MAP4K4: variants seen among roughly 807,000 people sequenced by gnomAD.
MAP4K4 encodes mitogen-activated protein kinase kinase kinase kinase 4.
Under a neutral mutation model 189.6 loss-of-function variants are expected in MAP4K4, and 38 were observed. That is an observed-to-expected ratio of 0.20 (90% CI 0.15 to 0.26). The LOEUF is 0.26. Among genes scored for constraint, MAP4K4 ranks in the 10% least tolerant of loss-of-function variants. The pLI, the probability that MAP4K4 is intolerant of heterozygous loss-of-function variation, is 1.00. For missense variants in MAP4K4, 1,054 were observed against 1,726.9 expected (o/e 0.61, Z 6.91); for synonymous variants, 610 against 624.3 (o/e 0.98, Z 0.34).
intron 5 of MAP4K4, among the ~76,000 whole-genome samples, chr2:101,827,290 A>G (rs560985129): frequency 6.6e-6 from 1 of 152,212 alleles, no homozygotes; most frequent in African/African-American, 2.4e-5. Context: ...TGTCATCTAG[A>G]ATGGGAGTTT....
chr2:101,738,573 G>C (rs1357068665), intron 2 of MAP4K4, among the ~76,000 whole-genome samples: 2 of 152,124 alleles, frequency 1.3e-5, no homozygotes, highest in African/African-American at 4.8e-5. Context: ...ATAGAATAGT[G>C]ATCTGCAGAA....
rs1467149623 is a variant in MAP4K4 at position 101,765,422 on chromosome 2, C to T, written c.124-25298C>T. On this transcript the variant is annotated intron_variant, in intron 2 of 32. Coordinates refer to ENST00000324219, the Ensembl canonical transcript of MAP4K4. ...ACGGCTCTCTGCAGCCACCATCTCC[C>T]GGGCTCAGGTGACCCCCTTGCCTCA... Among the ~76,000 whole-genome samples, 6 of 152,292 alleles carry T rather than the reference C, an allele frequency of 3.9e-5. No homozygotes were observed. In the South Asian group the frequency reaches 6.2e-4, roughly 16 times the overall value.
chr2:101,742,822 T>G lies in MAP4K4; in HGVS notation c.123+44284T>G, dbSNP rs189461537. ...AAAGAAGAGTAATGAGTTATTAATATCTCCATAAATAGAGTAGCAATAACT... is the reference window on the plus strand; with the variant it reads ...AAAGAAGAGTAATGAGTTATTAATAGCTCCATAAATAGAGTAGCAATAACT... On this transcript the variant is annotated intron_variant, in intron 2 of 32. Coordinates refer to ENST00000324219, the Ensembl canonical transcript of MAP4K4. Among the ~76,000 whole-genome samples, 26 of 152,276 alleles carry G rather than the reference T, an allele frequency of 1.7e-4. 1 individual carries two copies. Among genetic ancestry groups the G allele is most frequent in the Admixed American group, 1.5e-3 (23 of 15,290 alleles).
intron 2 of MAP4K4, among the ~76,000 whole-genome samples, chr2:101,731,186 G>T (rs963434577): frequency 1.3e-5 from 2 of 151,506 alleles, no homozygotes; most frequent in African/African-American, 4.8e-5. Context: ...GCGCGATCTC[G>T]GCTCACTGCA....
At chr2:101,698,040 G>T (rs1456274652) in exon 1 of MAP4K4, 1 of 1,286,868 alleles carries the variant, frequency 7.8e-7, no homozygotes, top group Non-Finnish European at 1.0e-6. Flanking sequence ...GAGCGACAGA[G>T]ACATTTATTG....
rs750130670 is a variant in MAP4K4, at chr2:101,864,009, A to G, written c.2055A>G (p.Gln685=). 6.6e-6 allele frequency: 9 copies of G among 1,367,656 alleles called. No homozygotes were observed. The East Asian group carries it at 3.6e-4, about 55-fold the overall frequency. 84.7% of individuals were successfully genotyped at this position (1,367,656 alleles called of 1,614,324 possible). A position where few individuals can be genotyped will look rare whatever the true frequency, so the allele number is the denominator to read the frequency against. The change falls in exon 17 of 33, where the codon CAA becomes CAG. Residue 685 remains glutamine (Q), a synonymous_variant. Coordinates refer to ENST00000324219, the Ensembl canonical transcript of MAP4K4. ...AGTCAGAGGCGCCTGACCCTACCCA[A>G]AAGGCTTGGTCTAGATCAGACAGTG...
intron 21 of MAP4K4, 87 bp from the exon 22 acceptor site, chr2:101,869,535 G>C: frequency 9.7e-7 from 1 of 1,033,336 alleles, no homozygotes; most frequent in South Asian, 1.4e-5. Context: ...AACTGACATT[G>C]TGGCAATTTA....
chr2:101,825,828 C>T (rs1338996938), intron 5 of MAP4K4, among the ~76,000 whole-genome samples: 1 of 152,142 alleles, frequency 6.6e-6, no homozygotes, highest in African/African-American at 2.4e-5. Flanking sequence ...TTCAAAATCA[C>T]CTTGAAGTCT....
chr2:101,700,305 G>A (rs1395296521), intron 2 of MAP4K4, among the ~76,000 whole-genome samples: 1 of 152,156 alleles, frequency 6.6e-6, no homozygotes, highest in Non-Finnish European at 1.5e-5. Context: ...TGCCATTTTG[G>A]TTCCATTCCC....
At chr2:101,867,945 C>G (rs1437744125) in intron 20 of MAP4K4, 84 bp from the exon 21 acceptor site, 3 of 1,369,186 alleles carry the variant, frequency 2.2e-6, no homozygotes, top group Non-Finnish European at 3.1e-6. Flanking sequence ...TCCCTCTCCC[C>G]TTCTTTCTCC....
exon 28 of MAP4K4, chr2:101,882,587 G>T: frequency 6.2e-7 from 1 of 1,606,696 alleles, no homozygotes; most frequent in Non-Finnish European, 8.5e-7. Context: ...TATTTGTCCT[G>T]GTTAAGAAAT....
intron 24 of MAP4K4, among the ~76,000 whole-genome samples, chr2:101,873,322 G>A (rs929121364): frequency 3.9e-5 from 6 of 152,172 alleles, no homozygotes; most frequent in Admixed American, 2.0e-4. Context: ...TCCTTTAGGA[G>A]TTTCATTATA....
intron 9 of MAP4K4, among the ~76,000 whole-genome samples, chr2:101,836,449 GT>G (rs2096756936): frequency 6.6e-6 from 1 of 152,058 alleles, no homozygotes; most frequent in African/African-American, 2.4e-5. Flanking sequence ...TTAGCCGGGC[GT>G]GGTGGCACAT....
At chr2:101,755,929 C>CTTTTTTTTTTTT (rs57392183) in intron 2 of MAP4K4, among the ~76,000 whole-genome samples, 3 of 57,792 alleles carry the variant, frequency 5.2e-5, no homozygotes, top group Non-Finnish European at 9.3e-5. Context: ...AGTTCTTTTT[C>CTTTTTTTTTTTT]TTTTTTTTTT....
intron 2 of MAP4K4, among the ~76,000 whole-genome samples, chr2:101,704,794 G>A (rs1379570001): frequency 6.6e-6 from 1 of 151,528 alleles, no homozygotes; most frequent in Non-Finnish European, 1.5e-5. Flanking sequence ...TCGAGTCAGG[G>A]TAAAGTTTTT....
chr2:101,759,520 T>C (rs1223857912), intron 2 of MAP4K4, among the ~76,000 whole-genome samples: 5 of 16,612 alleles, frequency 3.0e-4, no homozygotes, highest in Non-Finnish European at 4.2e-4. Context: ...CCCCTCCCCA[T>C]TCCCCTCCCC....
At chr2:101,889,083 G>A in intron 32 of MAP4K4, 148 bp downstream of exon 32, 1 of 731,864 alleles carries the variant, frequency 1.4e-6, no homozygotes, top group Admixed American at 3.3e-5. Flanking sequence ...ATGTTTGTGA[G>A]GATTGGGGAA....
intron 2 of MAP4K4, among the ~76,000 whole-genome samples, chr2:101,720,020 G>T (rs894412771): frequency 2.0e-5 from 3 of 151,782 alleles, no homozygotes; most frequent in Non-Finnish European, 4.4e-5. Flanking sequence ...CTCAAAAAGA[G>T]TTCAAAAAGG....
chr2:101,877,952 T>C (rs967839429), intron 27 of MAP4K4, among the ~76,000 whole-genome samples: 6 of 152,144 alleles, frequency 3.9e-5, no homozygotes, highest in African/African-American at 1.2e-4. Context: ...GGTTTCACCA[T>C]GTTAGCCAGG....
Sources: gnomAD v4.1 joint callset for allele counts (sites outside exome capture counted in the v4.1 genomes callset) on GRCh38, gnomAD v4.1.1 for gene constraint, MANE v1.5 for transcripts, NCBI Gene and HGNC (gene_info 2026-07-23, HGNC 2026-07-21) for gene names.